SPAG16: variants seen among roughly 807,000 people sequenced by gnomAD.
SPAG16 encodes sperm associated antigen 16, also known as sperm-associated antigen 16 protein.
A neutral mutation model predicts 80.4 loss-of-function variants in SPAG16; 86 were observed. The observed-to-expected ratio is 1.07, with a 90% confidence interval of 0.90 to 1.28. The LOEUF is 1.28. Ranked by LOEUF, SPAG16 falls within the 50% of genes most tolerant of loss-of-function variation. SPAG16 has a pLI of 0.00. For missense variants in SPAG16, 870 were observed against 765.3 expected (o/e 1.14, Z -1.61); for synonymous variants, 294 against 265.9 (o/e 1.11, Z -1.03).
intron 10 of SPAG16, among the ~76,000 whole-genome samples, chr2:213,546,094 A>C (rs543516104): frequency 6.6e-6 from 1 of 152,236 alleles, no homozygotes; most frequent in Admixed American, 6.5e-5. Context: ...CAATTTTTCT[A>C]TGAATGAGGA....
At chr2:213,847,060 G>A (rs1426728008) in intron 10 of SPAG16, among the ~76,000 whole-genome samples, 1 of 152,098 alleles carries the variant, frequency 6.6e-6, no homozygotes, top group Non-Finnish European at 1.5e-5. Context: ...CATGACTCTT[G>A]CCAACATTCC....
At chr2:213,387,362 A>G (rs1202783510) in intron 9 of SPAG16, among the ~76,000 whole-genome samples, 1 of 145,362 alleles carries the variant, frequency 6.9e-6, no homozygotes, top group African/African-American at 2.6e-5. Context: ...AGGGGCTGCT[A>G]ACTTGTTTCT....
intron 10 of SPAG16, among the ~76,000 whole-genome samples, chr2:213,632,181 T>G (rs2062182803): frequency 6.6e-6 from 1 of 152,258 alleles, no homozygotes; most frequent in African/African-American, 2.4e-5. Context: ...CAGTTTTCAT[T>G]ATAGGGATCT....
At chr2:214,352,565 T>TGTGTGTGTGTGTGTGTGA (rs375089345) in intron 15 of SPAG16, among the ~76,000 whole-genome samples, 27 of 64,840 alleles carry the variant, frequency 4.2e-4, no homozygotes, top group Non-Finnish European at 4.9e-4. Context: ...TCTCTGTGTG[T>TGTGTGTGTGTGTGTGTGA]GTGTGTGTGT....
At chr2:213,621,169 A>G (rs561982024) in intron 10 of SPAG16, among the ~76,000 whole-genome samples, 41 of 152,298 alleles carry the variant, frequency 2.7e-4, no homozygotes, top group Non-Finnish European at 4.6e-4. Context: ...AGAAAAAAGA[A>G]CTTAGATTTT....
At chr2:213,965,945 A>G (rs1245349220) in intron 12 of SPAG16, among the ~76,000 whole-genome samples, 4 of 152,186 alleles carry the variant, frequency 2.6e-5, no homozygotes, top group Non-Finnish European at 5.9e-5. Flanking sequence ...TATAAGTGAG[A>G]TGGATCAAAA....
intron 9 of SPAG16, among the ~76,000 whole-genome samples, chr2:213,403,848 C>T (rs2068463530): frequency 1.3e-5 from 2 of 152,208 alleles, no homozygotes; most frequent in African/African-American, 4.8e-5. Flanking sequence ...TGATAAGCAA[C>T]TTCAGCAAAG....
chr2:213,501,199 A>T (rs1417970582), intron 10 of SPAG16, among the ~76,000 whole-genome samples: 1 of 152,214 alleles, frequency 6.6e-6, no homozygotes, highest in Non-Finnish European at 1.5e-5. Flanking sequence ...ATTCTTGCAG[A>T]TGCCATTGAC....
rs79774522 is a variant in SPAG16, at chr2:213,849,690, A to G, written c.1071-12795A>G. ...GTTATTTCTAGACTATATGTAGTTT[A>G]TATTTCTAGATATTCTCCTAGAAAA... On this transcript the variant is annotated intron_variant, in intron 10 of 15. Transcript: ENST00000331683. Among the ~76,000 whole-genome samples the G allele has an allele frequency of 9.2e-3, 1,396 of 152,254 alleles. 25 individuals are homozygous for G. The highest frequency in any genetic ancestry group is 0.031 in the African/African-American group (1,268 of 41,558).
intron 10 of SPAG16, among the ~76,000 whole-genome samples, chr2:213,771,380 A>AAATAGATC (rs1252070859): frequency 2.6e-5 from 4 of 152,110 alleles, no homozygotes; most frequent in African/African-American, 9.7e-5. Flanking sequence ...AGATCACAAA[A>AAATAGATC]ACTTTCTCCT....
At chr2:213,659,536 A>G (rs1424999959) in intron 10 of SPAG16, among the ~76,000 whole-genome samples, 2 of 152,178 alleles carry the variant, frequency 1.3e-5, no homozygotes, top group Admixed American at 1.3e-4. Flanking sequence ...ATTTTTTAAT[A>G]TTAGATTTCC....
At chr2:213,770,876 T>C (rs887021555) in intron 10 of SPAG16, among the ~76,000 whole-genome samples, 2 of 152,186 alleles carry the variant, frequency 1.3e-5, no homozygotes, top group Non-Finnish European at 2.9e-5. Flanking sequence ...GATGGGCATT[T>C]GGTTGATTCC....
chr2:213,393,264 C>T (rs959377325), intron 9 of SPAG16, among the ~76,000 whole-genome samples: 3 of 151,468 alleles, frequency 2.0e-5, no homozygotes, highest in African/African-American at 7.3e-5. Context: ...CTTACATTAG[C>T]TATATTTCAA....
chr2:213,685,287 A>T (rs534167541), intron 10 of SPAG16, among the ~76,000 whole-genome samples: 1 of 152,358 alleles, frequency 6.6e-6, no homozygotes, highest in African/African-American at 2.4e-5. Context: ...CCCCAATCCA[A>T]TATGACGCGT....
intron 10 of SPAG16, among the ~76,000 whole-genome samples, chr2:213,641,059 C>T (rs1229908793): frequency 6.6e-6 from 1 of 152,184 alleles, no homozygotes; most frequent in African/African-American, 2.4e-5. Flanking sequence ...ACCATCAGGT[C>T]GGGGCAGGGT....
intron 15 of SPAG16, among the ~76,000 whole-genome samples, chr2:214,402,784 T>C (rs1701786319): frequency 6.6e-6 from 1 of 152,122 alleles, no homozygotes; most frequent in Non-Finnish European, 1.5e-5. Flanking sequence ...GTTTGTCACT[T>C]ATTCCCAGGA....
chr2:214,012,289 T>TATA (rs71034604), intron 12 of SPAG16, among the ~76,000 whole-genome samples: 186 of 25,858 alleles, frequency 7.2e-3, no homozygotes, highest in East Asian at 0.012. Flanking sequence ...TATATATATA[T>TATA]TTTTTTTTTT....
rs367551163 is a variant in SPAG16 at position 214,190,777 on chromosome 2, G to A, written c.1720+41511G>A. 5.1e-4 allele frequency among the ~76,000 whole-genome samples: 77 copies of A among 152,182 alleles called. No individual in the cohort carries two copies. In the Middle Eastern group the frequency reaches 0.014, roughly 27 times the overall value. ...CCTTGAGAGGACACAGAAAGAAGGTGGCCTTCTGCAAACCAGGAAGGCGCC... is the reference window on the plus strand; with the variant it reads ...CCTTGAGAGGACACAGAAAGAAGGTAGCCTTCTGCAAACCAGGAAGGCGCC... On this transcript the variant is annotated intron_variant, in intron 15 of 15. Coordinates refer to ENST00000331683, the MANE Select transcript of SPAG16 (RefSeq NM_024532.5).
chr2:214,382,265 C>T (rs562256317), intron 15 of SPAG16, among the ~76,000 whole-genome samples: 101 of 152,182 alleles, frequency 6.6e-4, no homozygotes, highest in Non-Finnish European at 1.3e-3. Context: ...GAACTAAATT[C>T]CATCACAAAT....
Sources: gnomAD v4.1 joint callset for allele counts (sites outside exome capture counted in the v4.1 genomes callset) on GRCh38, gnomAD v4.1.1 for gene constraint, MANE v1.5 for transcripts, NCBI Gene and HGNC (gene_info 2026-07-23, HGNC 2026-07-21) for gene names.